Variants in ERC2 observed in about 807,000 individuals in gnomAD.
ERC2 encodes the protein ELKS/RAB6-interacting/CAST family member 2.
ERC2 carries 42 observed loss-of-function variants against 114.8 expected under a neutral mutation model. The observed-to-expected ratio is 0.37, with a 90% CI of 0.29 to 0.47. The LOEUF (loss-of-function observed/expected upper bound fraction) is 0.47. Ranked by LOEUF, ERC2 falls within the 20% of genes least tolerant of loss-of-function variation. ERC2 has a pLI of 0.99. For missense variants in ERC2, 939 were observed against 1,150.7 expected, an observed-to-expected ratio of 0.82 and a Z score of 2.66; for synonymous variants, 454 against 425.5, an observed-to-expected ratio of 1.07 and a Z score of -0.82.
intron 7 of ERC2, among the ~76,000 whole-genome samples, chr3:56,059,070 T>G (rs2149702326): frequency 6.7e-6 from 1 of 149,132 alleles, no homozygotes; most frequent in Non-Finnish European, 1.5e-5. Flanking sequence ...CATGAGCACA[T>G]AAAGATATCT....
At chr3:55,921,543 T>C (rs1055589709) in intron 13 of ERC2, among the ~76,000 whole-genome samples, 1 of 152,092 alleles carries the variant, frequency 6.6e-6, no homozygotes. Flanking sequence ...AACCTGAATA[T>C]GGTTTTTAAA....
intron 3 of ERC2, among the ~76,000 whole-genome samples, chr3:56,179,832 A>G (rs1158911226): frequency 6.6e-6 from 1 of 152,134 alleles, no homozygotes; most frequent in African/African-American, 2.4e-5. Flanking sequence ...GGTGCTGAGT[A>G]GGTGATTAAA....
At chr3:55,996,575 C>T (rs1241599794) in intron 10 of ERC2, among the ~76,000 whole-genome samples, 1 of 152,102 alleles carries the variant, frequency 6.6e-6, no homozygotes, top group Non-Finnish European at 1.5e-5. Flanking sequence ...ATGTCTGCAT[C>T]GCATACTACA....
intron 3 of ERC2, among the ~76,000 whole-genome samples, chr3:56,226,492 TG>T (rs1330256857): frequency 1.3e-5 from 2 of 152,152 alleles, no homozygotes; most frequent in Admixed American, 1.3e-4. Flanking sequence ...AGTTCAAAAC[TG>T]CAGTGTGCTA....
chr3:55,546,602 T>C (rs2054769956), intron 17 of ERC2, among the ~76,000 whole-genome samples: 3 of 152,216 alleles, frequency 2.0e-5, no homozygotes, highest in Non-Finnish European at 4.4e-5. Flanking sequence ...TGTTCAATAA[T>C]GTGTGTTGAA....
intron 7 of ERC2, among the ~76,000 whole-genome samples, chr3:56,039,002 T>C (rs565240291): frequency 1.1e-4 from 17 of 152,226 alleles, no homozygotes; most frequent in Non-Finnish European, 4.4e-5. Flanking sequence ...ACCTAGGTGA[T>C]GGATTGATAG....
intron 14 of ERC2, among the ~76,000 whole-genome samples, chr3:55,753,564 T>C (rs929495009): frequency 2.6e-5 from 4 of 152,182 alleles, no homozygotes; most frequent in Non-Finnish European, 5.9e-5. Flanking sequence ...CTAGCTGGTA[T>C]GGACACACCA....
At position 56,097,347 on chromosome 3, in the gene ERC2, CT is replaced by C. The variant is rs887491376; in HGVS notation, c.1474-16364del. ...TCAACCTACATATACTTATTGCTCA[CT>C]TTTTTTTTTCTTAAAGGCAGAGCAA... On this transcript the variant is annotated intron_variant, in intron 6 of 17. Coordinates refer to ENST00000288221, the MANE Select transcript of ERC2 (RefSeq NM_015576.3). 5.3e-5 allele frequency among the ~76,000 whole-genome samples: 8 copies of C among 150,244 alleles called. No homozygotes were observed. In the South Asian group the frequency reaches 1.7e-3, roughly 32 times the overall value.
At chr3:56,383,349 C>T (rs907919823) in intron 2 of ERC2, among the ~76,000 whole-genome samples, 1 of 152,180 alleles carries the variant, frequency 6.6e-6, no homozygotes, top group East Asian at 1.9e-4. Flanking sequence ...TGATCCGGTG[C>T]CTTTCCTTCT....
chr3:55,710,746 C>T (rs974092001), intron 15 of ERC2, among the ~76,000 whole-genome samples: 1 of 152,134 alleles, frequency 6.6e-6, no homozygotes, highest in Non-Finnish European at 1.5e-5. Context: ...GAGACCGTCT[C>T]GTAGACTAGA....
At chr3:55,874,921 TG>T (rs958605826) in intron 14 of ERC2, among the ~76,000 whole-genome samples, 15 of 152,104 alleles carry the variant, frequency 9.9e-5, no homozygotes, top group African/African-American at 3.4e-4. Context: ...GCCAGAGATG[TG>T]GCCCCAAAGC....
chr3:56,419,761 G>A (rs183477684), intron 2 of ERC2, among the ~76,000 whole-genome samples: 3 of 152,260 alleles, frequency 2.0e-5, no homozygotes, highest in African/African-American at 2.4e-5. Flanking sequence ...GATGCCCTTC[G>A]AGTTTGCAGT....
At chr3:56,311,362 C>CAAT (rs2056567612) in intron 2 of ERC2, among the ~76,000 whole-genome samples, 1 of 142,090 alleles carries the variant, frequency 7.0e-6, no homozygotes, top group African/African-American at 2.7e-5. Context: ...TGCAGTGGCG[C>CAAT]AATCTCGGCT....
At chr3:56,018,303 C>G (rs1440508977) in intron 8 of ERC2, among the ~76,000 whole-genome samples, 1 of 152,164 alleles carries the variant, frequency 6.6e-6, no homozygotes, top group East Asian at 1.9e-4. Flanking sequence ...CCCAGGCAGT[C>G]TAGCTCCAAA....
At chr3:56,186,456 G>A (rs1405678554) in intron 3 of ERC2, among the ~76,000 whole-genome samples, 5 of 152,056 alleles carry the variant, frequency 3.3e-5, no homozygotes, top group African/African-American at 4.8e-5. Context: ...GTTCATCTCC[G>A]ATGATAACAG....
chr3:55,632,706 T>C (rs1316929244), intron 17 of ERC2, among the ~76,000 whole-genome samples: 1 of 152,226 alleles, frequency 6.6e-6, no homozygotes, highest in Non-Finnish European at 1.5e-5. Context: ...TACATCATAA[T>C]ATTTAGAGCT....
intron 2 of ERC2, among the ~76,000 whole-genome samples, chr3:56,315,853 C>G (rs977351573): frequency 5.3e-5 from 8 of 151,918 alleles, no homozygotes; most frequent in Non-Finnish European, 1.0e-4. Flanking sequence ...GGGATAGTTT[C>G]CCAACAGGAA....
At chr3:55,690,613 T>A (rs1295516027) in intron 16 of ERC2, among the ~76,000 whole-genome samples, 5 of 151,926 alleles carry the variant, frequency 3.3e-5, no homozygotes, top group Non-Finnish European at 7.4e-5. Flanking sequence ...GCAAACAAGG[T>A]GTAAAACCTA....
At chr3:56,063,961 A>AT (rs1187500986) in intron 7 of ERC2, among the ~76,000 whole-genome samples, 1 of 152,176 alleles carries the variant, frequency 6.6e-6, no homozygotes, top group African/African-American at 2.4e-5. Flanking sequence ...CAGAATTTCC[A>AT]TGTATGAATA....
Sources: gnomAD v4.1 joint callset for allele counts (sites outside exome capture counted in the v4.1 genomes callset) on GRCh38, gnomAD v4.1.1 for gene constraint, MANE v1.5 for transcripts, NCBI Gene and HGNC (gene_info 2026-07-23, HGNC 2026-07-21) for gene names.